Variants in MTMR4 observed in about 807,000 individuals in gnomAD.
MTMR4 encodes myotubularin related protein 4.
Under a neutral mutation model 125.5 loss-of-function variants are expected in MTMR4, and 30 were observed. The ratio of observed to expected loss-of-function variants is 0.24; its 90% CI spans 0.18 to 0.32. The LOEUF (loss-of-function observed/expected upper bound fraction) is 0.32, where lower values mean the gene tolerates loss of function less well. Among genes scored for constraint, MTMR4 ranks in the 10% least tolerant of loss-of-function variants. MTMR4 has a pLI of 1.00. For missense variants in MTMR4, 1,039 were observed against 1,511.5 expected, an observed-to-expected ratio of 0.69 and a Z score of 5.18; for synonymous variants, 498 against 564.5, an observed-to-expected ratio of 0.88 and a Z score of 1.67.
chr17:58,513,171 T>A (rs1285900612), intron 1 of MTMR4, among the ~76,000 whole-genome samples: 4 of 152,120 alleles, frequency 2.6e-5, no homozygotes, highest in Admixed American at 6.5e-5. Context: ...CAGGAGGAAT[T>A]GGGAATCTGC....
At chr17:58,510,014 C>T (rs1598225567) in intron 4 of MTMR4, among the ~76,000 whole-genome samples, 2 of 152,340 alleles carry the variant, frequency 1.3e-5, no homozygotes, top group South Asian at 4.1e-4. Context: ...GCTACCACCT[C>T]AGACAGGCCA....
chr17:58,496,677 G>A (rs1460045947), intron 14 of MTMR4, among the ~76,000 whole-genome samples: 1 of 152,162 alleles, frequency 6.6e-6, no homozygotes, highest in Non-Finnish European at 1.5e-5. Context: ...GTTCCAGCTA[G>A]GACTATACCT....
Position 58,511,655 on chromosome 17 carries a change from G to A in MTMR4, c.253-144C>T, listed in dbSNP as rs916983512. 6 of 625,468 alleles carry A rather than the reference G, an allele frequency of 9.6e-6. No homozygotes were observed. In the African/African-American group the frequency reaches 1.1e-4, roughly 12 times the overall value. 38.7% of individuals were successfully genotyped at this position (625,468 alleles called of 1,614,324 possible). A position where few individuals can be genotyped will look rare whatever the true frequency, so the allele number is the denominator to read the frequency against. ...CTGTTAAGCACCTGGTAACTGTACGGAGTCCTCTGCATATGTGATCCCAAT... is the reference window on the plus strand; with the variant it reads ...CTGTTAAGCACCTGGTAACTGTACGAAGTCCTCTGCATATGTGATCCCAAT... On this transcript the variant is annotated intron_variant, in intron 3 of 17. Coordinates refer to ENST00000682306, the MANE Select transcript of MTMR4 (RefSeq NM_001378067.1).
Position 58,508,779 on chromosome 17 carries a change from G to C in MTMR4, c.398C>G (p.Ala133Gly). 6.2e-7 allele frequency: 1 copy of C among 1,614,190 alleles called. No individual in the cohort carries two copies. The highest frequency in any genetic ancestry group is 8.5e-7 in the Non-Finnish European group (1 of 1,180,044). ...GAGGTCTTCAGGCTTGGCAGGTCTT[G>C]CTGTGGCTCGGCTTAGCCGTGAGAG... ...EWLSRLSRATARPAKPEDLFA... is the reference protein window; with the variant it reads ...EWLSRLSRATGRPAKPEDLFA... Residue 133 changes from alanine to glycine, a missense_variant, in exon 5 of 18, where the codon GCA becomes GGA. Around this residue, in one of 6 missense-constraint regions of MTMR4, gnomAD observed 202 missense variants for 311.9 expected, o/e 0.65. Transcript: ENST00000682306. This position sits in a 1 kb window ranked among gnomAD's most constrained non-coding sequence, Gnocchi z 4.8.
rs1303096463 is a variant in MTMR4, at chr17:58,503,836, T to C, written c.1761A>G (p.Ala587=). 1.3e-5 allele frequency: 21 copies of C among 1,614,154 alleles called. No homozygotes were observed. Among genetic ancestry groups the C allele is most frequent in the Non-Finnish European group, 1.8e-5 (21 of 1,180,028 alleles). Residue 587 remains alanine (A), a synonymous_variant, in exon 14 of 18, where the codon GCA becomes GCG. Transcript: ENST00000682306. The part of the protein sequence containing the change: ...LHLWTAVYLP[A]SSPCTLGEEN... ...CTTCCCCAAGTGTGCATGGAGATGA[T>C]GCTGGCAGATAAACAGCTGTCCAGA...
Position 58,514,419 on chromosome 17 carries a change from G to T in MTMR4, c.-12C>A. On this transcript the variant is annotated 5_prime_UTR_variant, in exon 1 of 18. Transcript: ENST00000682306. Reference sequence around the variant, plus strand: ...GCGGTCAGGCTCATGGTCGCGGGCGGTCTGGGCCAGCGCACATGTCCCCGG... The same window carrying T: ...GCGGTCAGGCTCATGGTCGCGGGCGTTCTGGGCCAGCGCACATGTCCCCGG... The T allele has an allele frequency of 1.0e-6, 1 of 986,108 alleles. No homozygotes were observed. The highest frequency in any genetic ancestry group is 1.2e-6 in the Non-Finnish European group (1 of 830,116). The allele number at this position is 986,108 out of a possible 1,614,324, so 61.1% of individuals were successfully genotyped here. A position where few individuals can be genotyped will look rare whatever the true frequency, so the allele number is the denominator to read the frequency against.
rs767794816 is a variant in MTMR4, at chr17:58,506,991, T to C, written c.905-120A>G. 4.2e-4 allele frequency: 658 copies of C among 1,550,904 alleles called. 2 individuals carry two copies. The highest frequency in any genetic ancestry group is 5.4e-4 in the Non-Finnish European group (610 of 1,135,256). ...CTAGAGACCCCTCATACCCCACAGC[T>C]TCTGACAAGGCAGGGACCCCAGCAC... On this transcript the variant is annotated intron_variant, in intron 8 of 17. Coordinates refer to ENST00000682306, the MANE Select transcript of MTMR4 (RefSeq NM_001378067.1).
rs747285588 is a variant in MTMR4 at position 58,496,011 on chromosome 17, G to A, written c.2173C>T (p.Arg725Trp). The A allele has an allele frequency of 4.6e-5, 75 of 1,613,948 alleles. No homozygotes were observed. Among genetic ancestry groups the A allele is most frequent in the South Asian group, 1.4e-4 (13 of 91,082 alleles). ...SYKLLNTAVPREMKSNTSDPE... is the reference protein window; with the variant it reads ...SYKLLNTAVPWEMKSNTSDPE... ...TCAGAGGTGTTGCTCTTCATTTCCCGAGGCACTGCGGTATTAAGCAGTTTG... is the reference window on the plus strand; with the variant it reads ...TCAGAGGTGTTGCTCTTCATTTCCCAAGGCACTGCGGTATTAAGCAGTTTG... The change falls in exon 15 of 18, where the codon CGG (arginine) becomes TGG (tryptophan). Residue 725 changes from arginine (R) to tryptophan (W), a missense_variant. Around this residue, in one of 6 missense-constraint regions of MTMR4, gnomAD observed 619 missense variants for 714.5 expected, o/e 0.87. Coordinates refer to ENST00000682306, the MANE Select transcript of MTMR4 (RefSeq NM_001378067.1).
At chr17:58,518,735 G>C (rs577117452), upstream of MTMR4, among the ~76,000 whole-genome samples, 1 of 152,308 alleles carries the variant, frequency 6.6e-6, no homozygotes, top group East Asian at 1.9e-4. Context: ...CGGGGACCCA[G>C]AACAGACCAC....
At chr17:58,516,750 TCCA>T (rs1260185886), upstream of MTMR4, 7 of 781,306 alleles carry the variant, frequency 9.0e-6, no homozygotes, top group Admixed American at 9.2e-5. Flanking sequence ...CTCCAGTCTC[TCCA>T]CAAGTCACCA....
In MTMR4 at chr17:58,495,580, C is replaced by T. The variant is rs373725113; in HGVS notation, c.2604G>A (p.Pro868=). Residue 868 remains proline (P), a synonymous_variant, in exon 15 of 18, where the codon CCG becomes CCA. Transcript: ENST00000682306. The part of the protein sequence containing the change: ...ISHQEQLSSV[P]DLTHGEEDIG... ...TGTCTTCCTCCCCATGGGTCAGATCCGGCACAGAACTCAGTTGTTCCTGGT... is the reference window on the plus strand; with the variant it reads ...TGTCTTCCTCCCCATGGGTCAGATCTGGCACAGAACTCAGTTGTTCCTGGT... The T allele has an allele frequency of 3.2e-5, 52 of 1,614,044 alleles. No homozygotes were observed. In the Middle Eastern group the frequency reaches 4.9e-4, roughly 15 times the overall value.
At chr17:58,510,179 A>G (rs1224287700) in intron 4 of MTMR4, among the ~76,000 whole-genome samples, 2 of 152,162 alleles carry the variant, frequency 1.3e-5, no homozygotes, top group Non-Finnish European at 1.5e-5. Flanking sequence ...CCTTTGCTCA[A>G]AATCCTCCAG....
At chr17:58,518,236 T>C (rs1224231128), upstream of MTMR4, among the ~76,000 whole-genome samples, 1 of 152,224 alleles carries the variant, frequency 6.6e-6, no homozygotes. Context: ...GCTCGTCGCC[T>C]ACTGGTAGCG....
At chr17:58,499,439 C>T (rs997164082) in intron 14 of MTMR4, among the ~76,000 whole-genome samples, 1 of 151,810 alleles carries the variant, frequency 6.6e-6, no homozygotes, top group African/African-American at 2.4e-5. Context: ...CCCAGTTACT[C>T]GGGAGGCTGA....
At chr17:58,513,158 C>A (rs1355663237) in intron 1 of MTMR4, among the ~76,000 whole-genome samples, 1 of 152,046 alleles carries the variant, frequency 6.6e-6, no homozygotes, top group Non-Finnish European at 1.5e-5. Flanking sequence ...AAGAGTGAGG[C>A]CCCAGGAGGA....
At chr17:58,509,089 C>A (rs564947764) in intron 4 of MTMR4, among the ~76,000 whole-genome samples, 2 of 152,134 alleles carry the variant, frequency 1.3e-5, no homozygotes, top group Non-Finnish European at 2.9e-5. Context: ...TCGAATGGGG[C>A]GCTACTGTTT....
upstream of MTMR4, among the ~76,000 whole-genome samples, chr17:58,515,443 G>T (rs138025747): frequency 5.8e-3 from 882 of 152,266 alleles, 5 homozygotes; most frequent in African/African-American, 9.3e-3. Context: ...TTGTTTGGGG[G>T]AGAAGGGAGT....
At position 58,512,106 on chromosome 17, in the gene MTMR4, C is replaced by A. The variant is rs1256242135; in HGVS notation, c.252+284G>T. Among the ~76,000 whole-genome samples the A allele has an allele frequency of 2.0e-5, 3 of 152,118 alleles. No homozygotes were observed. Among genetic ancestry groups the A allele is most frequent in the African/African-American group, 7.2e-5 (3 of 41,426 alleles). ...GGTTCAAGTGATTCCCGTACCTCAGCCCCCGAGTAGGTGGGATTACAGGTG... is the reference window on the plus strand; with the variant it reads ...GGTTCAAGTGATTCCCGTACCTCAGACCCCGAGTAGGTGGGATTACAGGTG... On this transcript the variant is annotated intron_variant, in intron 3 of 17. Coordinates refer to ENST00000682306, the MANE Select transcript of MTMR4 (RefSeq NM_001378067.1). This position sits in a 1 kb window ranked among gnomAD's most constrained non-coding sequence, Gnocchi z 4.1.
Position 58,495,797 on chromosome 17 carries a change from G to A in MTMR4, c.2387C>T (p.Ser796Phe). 1 of 1,614,170 alleles carries A rather than the reference G, an allele frequency of 6.2e-7. No homozygotes were observed. The highest frequency in any genetic ancestry group is 2.2e-5 in the East Asian group (1 of 44,884). ...GGGCGTACCTGTAGGAGAGTTCTGGGAAGACTCAGGAAAATTACAAACTCC... is the reference window on the plus strand; with the variant it reads ...GGGCGTACCTGTAGGAGAGTTCTGGAAAGACTCAGGAAAATTACAAACTCC... ...CDGVCNFPES[S>F]QNSPTGTPQQ... is the part of the protein sequence containing the mutation. Residue 796 changes from serine to phenylalanine, a missense_variant, in exon 15 of 18, where the codon TCC (serine) becomes TTC (phenylalanine). This residue lies in a region of MTMR4 where 619 missense variants were observed against 714.5 expected (regional missense o/e 0.87). Transcript: ENST00000682306.
Sources: allele counts gnomAD v4.1 joint callset (sites outside exome capture counted in the v4.1 genomes callset), GRCh38; gene constraint gnomAD v4.1.1; regional missense constraint gnomAD v4.1.1; non-coding constraint Gnocchi (gnomAD v3.1); transcripts MANE v1.5; gene names NCBI Gene and HGNC (gene_info 2026-07-23, HGNC 2026-07-21).